Variants in ZNF581 observed in about 807,000 individuals in gnomAD.
ZNF581 encodes zinc finger protein 581.
ZNF581 carries 1 observed loss-of-function variant against 1.2 expected under a neutral mutation model. The observed-to-expected ratio is 0.83, with a 90% CI of 0.30 to 3.95. The LOEUF (loss-of-function observed/expected upper bound fraction) is 3.95, where lower values mean the gene tolerates loss of function less well. Among genes scored for constraint, ZNF581 ranks in the 30% most tolerant of loss-of-function variants. ZNF581 has a pLI of 0.18. For synonymous variants in ZNF581, 105 were observed against 109.2 expected (o/e 0.96, Z 0.24); for missense variants, 273 against 274.6 (o/e 0.99, Z 0.04).
In ZNF581 at chr19:55,644,770, G is replaced by C. The variant is rs777578543; in HGVS notation, c.199G>C (p.Val67Leu). 1.9e-6 allele frequency: 3 copies of C among 1,614,040 alleles called. No homozygotes were observed. The South Asian group carries it at 3.3e-5, about 18-fold the overall frequency. Reference protein sequence around the residue: ...DTQGVPYTVLVDEESQREPGA... With the variant: ...DTQGVPYTVLLDEESQREPGA... ...TCAGGGTGTCCCCTACACAGTGCTG[G>C]TGGACGAGGAGTCACAGAGGGAGCC... Residue 67 changes from valine to leucine, a missense_variant, in exon 2 of 2, where the codon GTG becomes CTG. Coordinates refer to ENST00000270451, the MANE Select transcript of ZNF581 (RefSeq NM_016535.4). The surrounding 1 kb of genome is among the most constrained non-coding windows in gnomAD (Gnocchi z 4.3).
chr19:55,640,026 CAG>C (rs1211116292), upstream of ZNF581: 1 of 640,696 alleles, frequency 1.6e-6, no homozygotes, highest in Non-Finnish European at 1.9e-6. Context: ...TCCACCATTG[CAG>C]AAAGTTCTGA....
chr19:55,637,701 T>A (rs1982176958), upstream of ZNF581, among the ~76,000 whole-genome samples: 2 of 152,178 alleles, frequency 1.3e-5, no homozygotes, highest in South Asian at 4.1e-4. Context: ...AGGGGTCATG[T>A]GCACTGACCT....
upstream of ZNF581, chr19:55,641,068 CGCCGGCCCGGAGCT>C: frequency 4.1e-6 from 4 of 985,226 alleles, no homozygotes; most frequent in Non-Finnish European, 4.8e-6. Context: ...TCCCCGGCGC[CGCCGGCCCGGAGCT>C]GCCCGGAAGT....
upstream of ZNF581, chr19:55,641,149 C>T: frequency 2.0e-6 from 2 of 985,418 alleles, no homozygotes; most frequent in Non-Finnish European, 2.4e-6. Context: ...GGGACCTCGG[C>T]CCGTTCCTCC....
In ZNF581 at chr19:55,644,510, C is replaced by T; in HGVS notation, c.-19-43C>T. ...GGATGGAGCCTGTGGTGCTGAGCTG[C>T]CCTCTTCTATATAACCTTCTTATCC... is the stretch of plus-strand genomic sequence containing the variant. On this transcript the variant is annotated intron_variant, in intron 1 of 1. Transcript: ENST00000270451. This position sits in a 1 kb window ranked among gnomAD's most constrained non-coding sequence, Gnocchi z 4.3. 3 of 1,281,356 alleles carry T rather than the reference C, an allele frequency of 2.3e-6. No homozygotes were observed. The highest frequency in any genetic ancestry group is 2.9e-5 in the South Asian group (2 of 68,948). The allele number at this position is 1,281,356 out of a possible 1,614,324, so 79.4% of individuals were successfully genotyped here. A position where few individuals can be genotyped will look rare whatever the true frequency, so the allele number is the denominator to read the frequency against.
At position 55,644,713 on chromosome 19, in the gene ZNF581, C is replaced by T; in HGVS notation, c.142C>T (p.Pro48Ser). Residue 48 changes from proline (P) to serine (S), a missense_variant, in exon 2 of 2, where the codon CCA (proline) becomes TCA (serine). Transcript: ENST00000270451. The surrounding 1 kb of genome is among the most constrained non-coding windows in gnomAD (Gnocchi z 4.3). ...CGGATCTCCCCAGGCTTCATCTCCT[C>T]CAAGGCCCAACCACTACCTGCTTAT... ...SIGSPQASSPPRPNHYLLIDT... is the reference protein window; with the variant it reads ...SIGSPQASSPSRPNHYLLIDT... The T allele has an allele frequency of 6.2e-7, 1 of 1,613,986 alleles. No homozygotes were observed. Among genetic ancestry groups the T allele is most frequent in the Non-Finnish European group, 8.5e-7 (1 of 1,179,944 alleles).
upstream of ZNF581, chr19:55,642,818 C>G (rs750478737): frequency 6.4e-7 from 1 of 1,573,804 alleles, no homozygotes; most frequent in South Asian, 1.2e-5. Context: ...CTTTGCCAGC[C>G]CTCTGCGGCT....
upstream of ZNF581, among the ~76,000 whole-genome samples, chr19:55,637,753 C>A (rs532381473): frequency 2.0e-5 from 3 of 152,248 alleles, no homozygotes; most frequent in South Asian, 4.2e-4. Flanking sequence ...ATCCCGCCTG[C>A]GGATGTGTGA....
chr19:55,637,528 CTCTG>C (rs1388001910), upstream of ZNF581, among the ~76,000 whole-genome samples: 1 of 151,976 alleles, frequency 6.6e-6, no homozygotes, highest in Non-Finnish European at 1.5e-5. Context: ...CAGAGTGAGA[CTCTG>C]TCTGAAAAAA....
chr19:55,645,164 G>A lies in ZNF581; in HGVS notation c.593G>A (p.Ter198=), dbSNP rs372911104. 1.9e-5 allele frequency: 29 copies of A among 1,513,386 alleles called. No individual in the cohort carries two copies. The highest frequency in any genetic ancestry group is 2.5e-5 in the Non-Finnish European group (28 of 1,128,892). The allele number at this position is 1,513,386 out of a possible 1,614,324, so 93.7% of individuals were successfully genotyped here. ...LQKHTRWKHP[*] The stretch of plus-strand genomic sequence containing the variant: ...AAACACACGCGGTGGAAGCATCCAT[G>A]AGCCGGGCTGCCGGGTGCCCCAGGT... Residue 198 remains the stop codon, a stop_retained_variant, in exon 2 of 2, where the codon TGA becomes TAA. Transcript: ENST00000270451.
Position 55,645,235 on chromosome 19 carries a change from G to C in ZNF581, c.*70G>C. On this transcript the variant is annotated 3_prime_UTR_variant, in exon 2 of 2. Transcript: ENST00000270451. ...GCCTGGACTCCTGTCCAGACACCTGGTGAGAGCCTGAGGCTGGTGTTCAGG... is the reference window on the plus strand; with the variant it reads ...GCCTGGACTCCTGTCCAGACACCTGCTGAGAGCCTGAGGCTGGTGTTCAGG... 1 of 1,371,664 alleles carries C rather than the reference G, an allele frequency of 7.3e-7. No homozygotes were observed. The highest frequency in any genetic ancestry group is 9.8e-7 in the Non-Finnish European group (1 of 1,016,852). 85.0% of individuals were successfully genotyped at this position (1,371,664 alleles called of 1,614,324 possible). A position where few individuals can be genotyped will look rare whatever the true frequency, so the allele number is the denominator to read the frequency against.
intron 1 of ZNF581, 104 bp downstream of exon 1, chr19:55,643,878 G>C (rs1568538294): frequency 6.6e-6 from 1 of 152,484 alleles, no homozygotes; most frequent in Non-Finnish European, 1.5e-5. Flanking sequence ...AGACGCCGGA[G>C]GGGGCTGTTC....
upstream of ZNF581, chr19:55,642,750 C>T: frequency 6.5e-7 from 1 of 1,529,076 alleles, no homozygotes; most frequent in Non-Finnish European, 8.8e-7. Flanking sequence ...CAGCGCGAGG[C>T]GCCCCCAGGA....
chr19:55,645,474 G>A lies in ZNF581; in HGVS notation c.*309G>A, dbSNP rs981453948. ...GGGAGTGTGGTGTGTAAAGTCTCTGGCCTCATAAAAGGTGGCTGTGGGTCG... is the reference window on the plus strand; with the variant it reads ...GGGAGTGTGGTGTGTAAAGTCTCTGACCTCATAAAAGGTGGCTGTGGGTCG... On this transcript the variant is annotated 3_prime_UTR_variant, in exon 2 of 2. Transcript: ENST00000270451. The A allele has an allele frequency of 6.9e-6, 2 of 290,388 alleles. No individual in the cohort carries two copies. The highest frequency in any genetic ancestry group is 1.4e-5 in the Non-Finnish European group (2 of 147,264). The allele number at this position is 290,388 out of a possible 1,614,324, so 18.0% of individuals were successfully genotyped here. A position where few individuals can be genotyped will look rare whatever the true frequency, so the allele number is the denominator to read the frequency against.
upstream of ZNF581, chr19:55,640,701 C>T (rs1982402662): frequency 1.0e-6 from 1 of 985,480 alleles, no homozygotes. Flanking sequence ...CCCTCTACCT[C>T]GGTGGGTGGC....
chr19:55,640,527 G>C, upstream of ZNF581: 1 of 985,454 alleles, frequency 1.0e-6, no homozygotes, highest in Non-Finnish European at 1.2e-6. Flanking sequence ...CCCGTGGAAA[G>C]AACATACCTT....
At chr19:55,642,465 A>G (rs1290328489), upstream of ZNF581, 4 of 1,397,556 alleles carry the variant, frequency 2.9e-6, no homozygotes, top group Non-Finnish European at 3.7e-6. Context: ...GGAAGTGGCA[A>G]TTTTAACTAA....
upstream of ZNF581, chr19:55,640,428 T>G (rs887333492): frequency 1.0e-6 from 1 of 985,358 alleles, no homozygotes; most frequent in African/African-American, 1.7e-5. Context: ...TGCGCTTCGG[T>G]GTCGCCACAT....
upstream of ZNF581, chr19:55,642,850 C>G: frequency 6.3e-7 from 1 of 1,575,334 alleles, no homozygotes; most frequent in East Asian, 2.3e-5. Context: ...GCGTGTCGCA[C>G]TCGGACCTCA....
Sources: gnomAD v4.1 joint callset for allele counts (sites outside exome capture counted in the v4.1 genomes callset) on GRCh38, gnomAD v4.1.1 for gene constraint, Gnocchi (gnomAD v3.1) non-coding constraint, MANE v1.5 for transcripts, NCBI Gene and HGNC (gene_info 2026-07-23, HGNC 2026-07-21) for gene names.